The following JSRP1 variants were observed in gnomAD, a reference collection of about 807,000 sequenced individuals.
The protein encoded by JSRP1 is junctional sarcoplasmic reticulum protein 1, also known as 2310032K21Rik.
JSRP1 carries 29 observed loss-of-function variants against 21.4 expected under a neutral mutation model. That is an observed-to-expected ratio of 1.36 (90% CI 1.01 to 1.85). JSRP1 has a LOEUF of 1.85. Among genes scored for constraint, JSRP1 ranks in the 40% most tolerant of loss-of-function variants. The pLI is 0.00. For synonymous variants in JSRP1, 221 were observed against 206.1 expected (o/e 1.07, Z -0.62); for missense variants, 531 against 461.5 (o/e 1.15, Z -1.38).
Position 2,252,372 on chromosome 19 carries a change from G to A in JSRP1, c.953C>T (p.Pro318Leu), listed in dbSNP as rs879626132. ...TGCGCGGAGCTTCTGGCGACTCCCA[G>A]GCCGCTGCTCCTCGTCGGGACGCCT... is the stretch of plus-strand genomic sequence containing the variant. ...SPRRPDEEQRPGSRQKLRAGK... is the reference protein window; with the variant it reads ...SPRRPDEEQRLGSRQKLRAGK... The change falls in exon 7 of 7, where the codon CCT (proline) becomes CTT (leucine). Residue 318 changes from proline to leucine, a missense_variant. Physicochemically the swap from Pro to Leu is moderately conservative, Grantham distance 98. Transcript: ENST00000300961. The A allele has an allele frequency of 3.8e-6, 6 of 1,573,070 alleles. No homozygotes were observed. The highest frequency in any genetic ancestry group is 1.4e-5 in the African/African-American group (1 of 73,758).
intron 1 of JSRP1, among the ~76,000 whole-genome samples, chr19:2,255,812 A>T (rs377314755): frequency 5.9e-5 from 9 of 151,960 alleles, no homozygotes; most frequent in African/African-American, 2.2e-4. Context: ...CCTCTGGGCC[A>T]CCCTGACTTG....
intron 5 of JSRP1, among the ~76,000 whole-genome samples, chr19:2,253,229 C>A (rs1010171053): frequency 1.3e-5 from 2 of 152,240 alleles, no homozygotes; most frequent in African/African-American, 4.8e-5. Context: ...TTCTTCCCCC[C>A]GACCACGGGC....
intron 5 of JSRP1, 28 bp downstream of exon 5, chr19:2,253,592 G>GC: frequency 7.0e-7 from 1 of 1,424,396 alleles, no homozygotes; most frequent in Non-Finnish European, 9.1e-7. Context: ...CCCCAGCCTC[G>GC]CCCCACCTCT....
chr19:2,253,917 C>G, intron 4 of JSRP1, 124 bp from the exon 5 acceptor site: 1 of 1,165,526 alleles, frequency 8.6e-7, no homozygotes, highest in South Asian at 2.0e-5. Context: ...CTGTGCGGCC[C>G]CGGGCGCAGG....
Position 2,252,617 on chromosome 19 carries a change from C to T in JSRP1, c.708G>A (p.Lys236=), listed in dbSNP as rs2025074043. 1.2e-6 allele frequency: 2 copies of T among 1,612,664 alleles called. No homozygotes were observed. Among genetic ancestry groups the T allele is most frequent in the Non-Finnish European group, 1.7e-6 (2 of 1,179,932 alleles). The change falls in exon 7 of 7, where the codon AAG becomes AAA. Residue 236 remains lysine, a synonymous_variant. Coordinates refer to ENST00000300961, the MANE Select transcript of JSRP1 (RefSeq NM_144616.4). The part of the protein sequence containing the change: ...DRVTLADRGP[K]ERPRREGKPR... ...GCTTCCCCTCTCTCCGAGGCCTCTC[C>T]TTGGGTCCCCGGTCTGCGAGGGTCA...
At position 2,252,966 on chromosome 19, in the gene JSRP1, C is replaced by T. The variant is rs752648689; in HGVS notation, c.474G>A (p.Val158=). 26 of 1,608,912 alleles carry T rather than the reference C, an allele frequency of 1.6e-5. No homozygotes were observed. In the African/African-American group the frequency reaches 3.2e-4, roughly 20 times the overall value. ...VPGEAALQAR[V]PEPWVPPSSA... ...AGCTTGGCGGGACCCAGGGCTCGGG[C>T]ACACGTGCTTGGAGTGCTGCCTCCC... Residue 158 remains valine, a synonymous_variant, in exon 6 of 7, where the codon GTG becomes GTA. Transcript: ENST00000300961.
At chr19:2,252,856 T>C (rs2025081369) in intron 6 of JSRP1, 56 bp downstream of exon 6, 27 of 1,596,840 alleles carry the variant, frequency 1.7e-5, no homozygotes, top group Non-Finnish European at 2.2e-5. Context: ...CCGGGCTCCT[T>C]CTTTCCTTGG....
At position 2,255,243 on chromosome 19, in the gene JSRP1, G is replaced by A; in HGVS notation, c.72C>T (p.His24=). 1.2e-6 allele frequency: 2 copies of A among 1,611,670 alleles called. No individual in the cohort carries two copies. The highest frequency in any genetic ancestry group is 1.7e-5 in the Admixed American group (1 of 59,968). ...CCTCCTGGGTCTCGGCCAGCGCAGA[G>A]TGGTCCTCCAGGGCCTGGCAGCTGC... ...GLGSCQALED[H]SALAETQEDR... The change falls in exon 2 of 7, where the codon CAC becomes CAT. Residue 24 remains histidine (H), a synonymous_variant. Transcript: ENST00000300961.
At chr19:2,253,095 G>C (rs1430011730) in intron 5 of JSRP1, 92 bp from the exon 6 acceptor site, 11 of 902,390 alleles carry the variant, frequency 1.2e-5, no homozygotes, top group South Asian at 1.6e-5. Flanking sequence ...CCCCTCCCTG[G>C]ACAGTTGGAG....
At chr19:2,254,336 T>C (rs376134424) in intron 3 of JSRP1, 35 bp from the exon 4 acceptor site, 2 of 1,595,888 alleles carry the variant, frequency 1.3e-6, no homozygotes, top group African/African-American at 2.7e-5. Context: ...CATGTTTCCT[T>C]CCAGTGCCAA....
chr19:2,253,757 G>T lies in JSRP1; in HGVS notation c.299C>A (p.Thr100Asn). 1 of 1,457,192 alleles carries T rather than the reference G, an allele frequency of 6.9e-7. No homozygotes were observed. The highest frequency in any genetic ancestry group is 9.0e-7 in the Non-Finnish European group (1 of 1,116,358). 90.3% of individuals were successfully genotyped at this position (1,457,192 alleles called of 1,614,324 possible). ...RSVPARKKAQ[T>N]APPLQPPPPP... ...CGGCGGCGGCTGCAGGGGCGGCGCG[G>T]TCTGCGCCTTCTTGCGCGCGGGGAC... is the stretch of plus-strand genomic sequence containing the variant. The change falls in exon 5 of 7, where the codon ACC becomes AAC. Residue 100 changes from threonine (T) to asparagine (N), a missense_variant. Thr to Asn is a moderately conservative substitution (Grantham distance 65). Transcript: ENST00000300961.
At chr19:2,253,549 GCCTTTCCTTGGAGGAATAGGCGC>G in intron 5 of JSRP1, 48 bp downstream of exon 5, 1 of 1,339,040 alleles carries the variant, frequency 7.5e-7, no homozygotes, top group Non-Finnish European at 9.6e-7. Flanking sequence ...GCGGCACAGC[GCCTTTCCTTGGAGGAATAGGCGC>G]ACAGGTGGAC....
In JSRP1 at chr19:2,254,124, C is replaced by CA. The variant is rs112069798; in HGVS notation, c.262+62dup. The CA allele has an allele frequency of 1.5e-3, 1,963 of 1,278,522 alleles. 24 individuals are homozygous for CA. In the African/African-American group the frequency reaches 0.023, roughly 15 times the overall value. 79.2% of individuals were successfully genotyped at this position (1,278,522 alleles called of 1,614,324 possible). A position where few individuals can be genotyped will look rare whatever the true frequency, so the allele number is the denominator to read the frequency against. On this transcript the variant is annotated intron_variant, in intron 4 of 6. Coordinates refer to ENST00000300961, the MANE Select transcript of JSRP1 (RefSeq NM_144616.4). ...CCAAGATCCAAGGACCCAGCTCCGG[C>CA]ACCTGAGCCTCACACCAGTCCGTTC...
At chr19:2,253,559 G>A (rs1414205372) in intron 5 of JSRP1, 61 bp downstream of exon 5, 4 of 1,361,308 alleles carry the variant, frequency 2.9e-6, no homozygotes. Context: ...GCCTTTCCTT[G>A]GAGGAATAGG....
Position 2,254,172 on chromosome 19 carries a change from C to T in JSRP1, c.262+15G>A, listed in dbSNP as rs780139195. The T allele has an allele frequency of 1.9e-6, 3 of 1,584,946 alleles. No individual in the cohort carries two copies. The highest frequency in any genetic ancestry group is 2.7e-5 in the African/African-American group (2 of 74,018). ...TTCCCACCCCACACCTCACCCATGC[C>T]TCCTGCAAACCCACTCGCTCCGGCT... On this transcript the variant is annotated intron_variant, in intron 4 of 6. Transcript: ENST00000300961.
In JSRP1 at chr19:2,253,613, C is replaced by A; in HGVS notation, c.436+7G>T. ...CCTCGCCCCACCTCTGGGGAGCCTG[C>A]GCTCACCGCGGCACAGCTGGAAAGC... On this transcript the variant is annotated splice_region_variant and intron_variant, in intron 5 of 6. Transcript: ENST00000300961. 2.0e-6 allele frequency: 3 copies of A among 1,463,736 alleles called. No individual in the cohort carries two copies. The highest frequency in any genetic ancestry group is 1.3e-5 in the South Asian group (1 of 75,278). The allele number at this position is 1,463,736 out of a possible 1,614,324, so 90.7% of individuals were successfully genotyped here.
At chr19:2,253,112 T>C in intron 5 of JSRP1, 109 bp from the exon 6 acceptor site, 1 of 762,544 alleles carries the variant, frequency 1.3e-6, no homozygotes, top group Non-Finnish European at 2.1e-6. Flanking sequence ...GGAGTGGGGC[T>C]CCCCCGGTAC....
intron 3 of JSRP1, 46 bp downstream of exon 3, chr19:2,254,399 C>A: frequency 1.2e-6 from 2 of 1,610,956 alleles, no homozygotes; most frequent in Non-Finnish European, 1.7e-6. Context: ...TTGTCCCCAA[C>A]TCCCCAGGCG....
Position 2,252,281 on chromosome 19 carries a change from G to A in JSRP1, c.*48C>T. The A allele has an allele frequency of 7.2e-7, 1 of 1,398,346 alleles. No homozygotes were observed. The highest frequency in any genetic ancestry group is 9.4e-7 in the Non-Finnish European group (1 of 1,065,460). 86.6% of individuals were successfully genotyped at this position (1,398,346 alleles called of 1,614,324 possible). A position where few individuals can be genotyped will look rare whatever the true frequency, so the allele number is the denominator to read the frequency against. On this transcript the variant is annotated 3_prime_UTR_variant, in exon 7 of 7. Transcript: ENST00000300961. Reference sequence around the variant, plus strand: ...GCAGCACTCGCTTTATTTCGCCAGAGTCGCGGGGCGTCCAGAAGGGGCCCC... The same window carrying A: ...GCAGCACTCGCTTTATTTCGCCAGAATCGCGGGGCGTCCAGAAGGGGCCCC...
Sources: gnomAD v4.1 joint callset for allele counts (sites outside exome capture counted in the v4.1 genomes callset) on GRCh38, gnomAD v4.1.1 for gene constraint, MANE v1.5 for transcripts, NCBI Gene and HGNC (gene_info 2026-07-23, HGNC 2026-07-21) for gene names.